The following OR6N1 variants were observed in gnomAD, a reference collection of about 807,000 sequenced individuals.
OR6N1 encodes the protein olfactory receptor 6N1.
For synonymous variants in OR6N1, 170 were observed against 150.7 expected, an observed-to-expected ratio of 1.13 and a Z score of -0.94; for missense variants, 394 against 371.7, an observed-to-expected ratio of 1.06 and a Z score of -0.49.
chr1:158,793,877 G>C, the OR6N1 span, among the ~76,000 whole-genome samples: 1 of 152,198 alleles, frequency 6.6e-6, no homozygotes, highest in African/African-American at 2.4e-5. Flanking sequence ...ATCTCTCAGT[G>C]AGATGCACCA....
rs1463378840 is a variant in OR6N1, at chr1:158,765,425, C to T, written c.*319G>A. 1.9e-5 allele frequency: 4 copies of T among 207,454 alleles called. No individual in the cohort carries two copies. The highest frequency in any genetic ancestry group is 3.9e-5 in the Non-Finnish European group (4 of 103,170). 12.9% of individuals were successfully genotyped at this position (207,454 alleles called of 1,614,324 possible). ...TTAAGTCAAGTAAATTTGAAAAATGCCTATAAACGTATAATAGGTAAGACA... is the reference window on the plus strand; with the variant it reads ...TTAAGTCAAGTAAATTTGAAAAATGTCTATAAACGTATAATAGGTAAGACA... On this transcript the variant is annotated 3_prime_UTR_variant, in exon 2 of 2. Coordinates refer to ENST00000641846, the MANE Select transcript of OR6N1 (RefSeq NM_001005185.2).
the OR6N1 span, among the ~76,000 whole-genome samples, chr1:158,795,211 TCA>T: frequency 6.6e-6 from 1 of 152,176 alleles, no homozygotes; most frequent in Non-Finnish European, 1.5e-5. Context: ...CACTTAGCTC[TCA>T]CACACTTGGC....
the OR6N1 span, among the ~76,000 whole-genome samples, chr1:158,821,579 A>T: frequency 1.3e-5 from 2 of 152,166 alleles, no homozygotes; most frequent in African/African-American, 4.8e-5. Flanking sequence ...TCTTTCATTT[A>T]ATAAGGTTTC....
the OR6N1 span, among the ~76,000 whole-genome samples, chr1:158,838,219 C>T: frequency 2.0e-5 from 3 of 151,898 alleles, no homozygotes; most frequent in African/African-American, 7.2e-5. Flanking sequence ...CATCTAGCAT[C>T]CTTGTGTTTC....
chr1:158,814,267 T>G, the OR6N1 span, among the ~76,000 whole-genome samples: 12 of 152,196 alleles, frequency 7.9e-5, no homozygotes, highest in African/African-American at 2.9e-4. Flanking sequence ...ATGTATATTA[T>G]ATGTATATGT....
chr1:158,801,469 C>G, the OR6N1 span, among the ~76,000 whole-genome samples: 1 of 152,070 alleles, frequency 6.6e-6, no homozygotes, highest in African/African-American at 2.4e-5. Flanking sequence ...ATCAGGAATT[C>G]TCAAAGGGAA....
chr1:158,779,445 A>G, the OR6N1 span, among the ~76,000 whole-genome samples: 1 of 152,234 alleles, frequency 6.6e-6, no homozygotes, highest in Non-Finnish European at 1.5e-5. Context: ...CATTTAAACA[A>G]TTCATTTAAT....
the OR6N1 span, among the ~76,000 whole-genome samples, chr1:158,820,020 T>C: frequency 2.0e-5 from 3 of 152,220 alleles, no homozygotes; most frequent in Admixed American, 6.5e-5. Context: ...ACATATTTAT[T>C]GACAGCAAGC....
chr1:158,811,385 AACC>A, the OR6N1 span, among the ~76,000 whole-genome samples: 5,122 of 152,244 alleles, frequency 0.034, 303 homozygotes, highest in African/African-American at 0.12. Context: ...CAGTGTTCTA[AACC>A]ACCACCACCA....
intron 1 of OR6N1, among the ~76,000 whole-genome samples, chr1:158,768,686 T>A (rs1242127332): frequency 1.3e-5 from 2 of 152,232 alleles, no homozygotes; most frequent in Non-Finnish European, 2.9e-5. Flanking sequence ...GCTCTTTCCT[T>A]GTTCTAGAAT....
the OR6N1 span, among the ~76,000 whole-genome samples, chr1:158,781,986 AC>A: frequency 2.0e-5 from 3 of 152,178 alleles, no homozygotes; most frequent in African/African-American, 7.2e-5. Flanking sequence ...AAAATTATAA[AC>A]CCAATCACTC....
chr1:158,785,999 T>C, the OR6N1 span, among the ~76,000 whole-genome samples: 1 of 151,892 alleles, frequency 6.6e-6, no homozygotes, highest in Non-Finnish European at 1.5e-5. Flanking sequence ...AAAACAAAAA[T>C]AAATATATGG....
At chr1:158,785,232 C>A in the OR6N1 span, among the ~76,000 whole-genome samples, 2 of 152,108 alleles carry the variant, frequency 1.3e-5, no homozygotes, top group Non-Finnish European at 2.9e-5. Flanking sequence ...ATACAAAACC[C>A]TTTTGTGCTT....
chr1:158,837,015 C>T, the OR6N1 span, among the ~76,000 whole-genome samples: 2 of 151,462 alleles, frequency 1.3e-5, no homozygotes, highest in Admixed American at 6.6e-5. Context: ...TTCTAGTTTT[C>T]TTTCTGTTGA....
chr1:158,818,916 T>C, the OR6N1 span, among the ~76,000 whole-genome samples: 1 of 152,240 alleles, frequency 6.6e-6, no homozygotes, highest in Admixed American at 6.5e-5. Context: ...ACTTATCCAA[T>C]GAGGCAAATC....
upstream of OR6N1, among the ~76,000 whole-genome samples, chr1:158,773,733 T>A (rs1323262737): frequency 6.6e-6 from 1 of 151,986 alleles, no homozygotes; most frequent in East Asian, 1.9e-4. Context: ...TTCTAAGAAC[T>A]CAAGGCCATA....
At chr1:158,810,039 T>G in the OR6N1 span, among the ~76,000 whole-genome samples, 1 of 152,236 alleles carries the variant, frequency 6.6e-6, no homozygotes, top group African/African-American at 2.4e-5. Context: ...TGGTTGCCAC[T>G]AAGCATTAGG....
At chr1:158,815,147 T>C in the OR6N1 span, among the ~76,000 whole-genome samples, 8 of 152,194 alleles carry the variant, frequency 5.3e-5, no homozygotes, top group African/African-American at 1.9e-4. Flanking sequence ...GAAAGGAAGA[T>C]GACTCCTGGT....
chr1:158,779,037 G>A, the OR6N1 span, among the ~76,000 whole-genome samples: 3 of 85,624 alleles, frequency 3.5e-5, no homozygotes, highest in African/African-American at 1.1e-4. Context: ...AAAAAAGAAT[G>A]CAGATTCAAA....
Sources: allele counts gnomAD v4.1 joint callset (sites outside exome capture counted in the v4.1 genomes callset), GRCh38; gene constraint gnomAD v4.1.1; transcripts MANE v1.5; gene names NCBI Gene and HGNC (gene_info 2026-07-23, HGNC 2026-07-21).